PUS7: variants seen among roughly 807,000 people sequenced by gnomAD.
The protein encoded by PUS7 is pseudouridylate synthase 7 homolog.
PUS7 carries 48 observed loss-of-function variants against 79.8 expected under a neutral mutation model. The ratio of observed to expected loss-of-function variants is 0.60; its 90% CI spans 0.48 to 0.76. PUS7 has a LOEUF of 0.76. PUS7 is among the 30% of genes least tolerant of loss of function. The pLI, the probability that PUS7 is intolerant of heterozygous loss-of-function variation, is 0.00. For missense variants in PUS7, 729 were observed against 797.6 expected, an observed-to-expected ratio of 0.91 and a Z score of 1.04; for synonymous variants, 286 against 272.2, an observed-to-expected ratio of 1.05 and a Z score of -0.50.
At chr7:105,499,181 G>A (rs780716593) in intron 5 of PUS7, among the ~76,000 whole-genome samples, 1 of 152,324 alleles carries the variant, frequency 6.6e-6, no homozygotes, top group East Asian at 1.9e-4. Flanking sequence ...AGGTTTCAGA[G>A]TAATTATCTT....
intron 12 of PUS7, among the ~76,000 whole-genome samples, chr7:105,467,382 C>T (rs992193496): frequency 2.8e-4 from 42 of 150,864 alleles, no homozygotes; most frequent in South Asian, 8.4e-4. Flanking sequence ...CTCCGCCTCC[C>T]GGGTTCACGC....
At chr7:105,479,920 C>T (rs1824251123) in intron 9 of PUS7, among the ~76,000 whole-genome samples, 1 of 152,042 alleles carries the variant, frequency 6.6e-6, no homozygotes, top group South Asian at 2.1e-4. Flanking sequence ...ATCACTTGAA[C>T]CTGGGAGGTG....
intron 2 of PUS7, among the ~76,000 whole-genome samples, chr7:105,507,663 T>A (rs936123006): frequency 5.9e-5 from 9 of 152,044 alleles, no homozygotes; most frequent in African/African-American, 1.7e-4. Context: ...TGCCTCAGCC[T>A]CCCGAGTAGC....
At chr7:105,483,226 G>A (rs988878017) in intron 7 of PUS7, among the ~76,000 whole-genome samples, 1 of 150,828 alleles carries the variant, frequency 6.6e-6, no homozygotes, top group Non-Finnish European at 1.5e-5. Context: ...CTGGAGTGCA[G>A]TGGCATGATC....
chr7:105,472,288 T>C (rs1284053483), intron 9 of PUS7, 95 bp from the exon 10 acceptor site: 3 of 741,814 alleles, frequency 4.0e-6, no homozygotes, highest in East Asian at 5.8e-5. Context: ...ATATTAACTA[T>C]ACACCGAAGC....
At chr7:105,459,581 G>A (rs1329031929) in intron 14 of PUS7, among the ~76,000 whole-genome samples, 2 of 151,722 alleles carry the variant, frequency 1.3e-5, no homozygotes, top group African/African-American at 2.4e-5. Flanking sequence ...GGGACTATAG[G>A]TGTCTGCCAC....
chr7:105,457,981 G>A, intron 15 of PUS7, 55 bp from the exon 16 acceptor site: 1 of 1,579,714 alleles, frequency 6.3e-7, no homozygotes, highest in African/African-American at 1.4e-5. Flanking sequence ...AGACAGACCA[G>A]CGAGAGTCAC....
chr7:105,462,719 A>G lies in PUS7; in HGVS notation c.1659T>C (p.Ala553=), dbSNP rs1823482541. ...IQEAYREMLT[A]DNLDIDNMRH... is the part of the protein sequence containing the mutation. ...TCATGTTGTCAATATCAAGATTGTC[A>G]GCTGTGAGCATTTCCCTGTAGGCTT... is the stretch of plus-strand genomic sequence containing the variant. The change falls in exon 14 of 16, where the codon GCT becomes GCC. Residue 553 remains alanine (A), a synonymous_variant. Transcript: ENST00000469408. The G allele has an allele frequency of 1.2e-6, 2 of 1,613,552 alleles. No individual in the cohort carries two copies. The highest frequency in any genetic ancestry group is 1.7e-6 in the Non-Finnish European group (2 of 1,179,934).
chr7:105,459,228 G>C lies in PUS7; in HGVS notation c.1789C>G (p.Pro597Ala). 1 of 1,611,134 alleles carries C rather than the reference G, an allele frequency of 6.2e-7. No homozygotes were observed. The highest frequency in any genetic ancestry group is 8.5e-7 in the Non-Finnish European group (1 of 1,178,326). ...TTGTCCACATCTGTGTTGAAAAGTG[G>C]AATTTTGGGATCATCATATGCAACG... is the stretch of plus-strand genomic sequence containing the variant. Reference protein sequence around the residue: ...EVVAYDDPKIPLFNTDVDNLE... With the variant: ...EVVAYDDPKIALFNTDVDNLE... The change falls in exon 15 of 16, where the codon CCA becomes GCA. Residue 597 changes from proline (P) to alanine (A), a missense_variant. By Grantham distance (27) the Pro-to-Ala change is conservative. Coordinates refer to ENST00000469408, the MANE Select transcript of PUS7 (RefSeq NM_019042.5).
chr7:105,472,444 C>A (rs1418513522), intron 9 of PUS7, among the ~76,000 whole-genome samples: 1 of 152,080 alleles, frequency 6.6e-6, no homozygotes, highest in Non-Finnish European at 1.5e-5. Flanking sequence ...TGGGGTCTCA[C>A]TATTGGTCTT....
chr7:105,475,238 T>G (rs893534462), intron 9 of PUS7, among the ~76,000 whole-genome samples: 10 of 152,086 alleles, frequency 6.6e-5, no homozygotes, highest in Non-Finnish European at 1.2e-4. Flanking sequence ...CAGGCTAGAG[T>G]GCAGTGGCAC....
intron 1 of PUS7, among the ~76,000 whole-genome samples, chr7:105,509,868 G>T (rs1164845552): frequency 6.6e-6 from 1 of 152,178 alleles, no homozygotes; most frequent in African/African-American, 2.4e-5. Flanking sequence ...AAGAAACTGG[G>T]AAGGGTGGTT....
chr7:105,512,144 C>CAA (rs59884368), intron 1 of PUS7, among the ~76,000 whole-genome samples: 2 of 68,826 alleles, frequency 2.9e-5, no homozygotes, highest in Admixed American at 2.3e-4. Context: ...GATTCTGTCT[C>CAA]AAAAAAAAAA....
In PUS7 at chr7:105,457,798, G is replaced by GC; in HGVS notation, c.1977dup (p.Leu660AlafsTer11). ...TGTGGACAAGGTACTGCTCAGCGAA[G>GC]CCAGGTTGTATTCAGCTGCGTCTGG... On this transcript the variant is annotated frameshift_variant, in exon 16 of 16. Transcript: ENST00000469408. LOFTEE classifies it high-confidence loss of function. The GC allele has an allele frequency of 6.2e-7, 1 of 1,613,984 alleles. No homozygotes were observed. The highest frequency in any genetic ancestry group is 1.1e-5 in the South Asian group (1 of 91,052).
chr7:105,501,116 T>A (rs1381688704), intron 5 of PUS7, among the ~76,000 whole-genome samples: 1 of 152,200 alleles, frequency 6.6e-6, no homozygotes, highest in Non-Finnish European at 1.5e-5. Flanking sequence ...TTCCTCCTGT[T>A]CTCTTTTTTG....
At position 105,470,843 on chromosome 7, in the gene PUS7, T is replaced by C. The variant is rs1823845342; in HGVS notation, c.1243A>G (p.Lys415Glu). 1 of 1,586,152 alleles carries C rather than the reference T, an allele frequency of 6.3e-7. No homozygotes were observed. ...TCTCTGCATTTAACCAAGTAGCCCT[T>C]TTCAGCTGCGGGGGGAAAAAGCTAG... Reference protein sequence around the residue: ...LILKPRSGAEKGYLVKCREEW... With the variant: ...LILKPRSGAEEGYLVKCREEW... The change falls in exon 11 of 16, where the codon AAG becomes GAG. Residue 415 changes from lysine to glutamate, a missense_variant. Coordinates refer to ENST00000469408, the MANE Select transcript of PUS7 (RefSeq NM_019042.5).
Position 105,477,531 on chromosome 7 carries a change from G to C in PUS7, c.1175+3521C>G, listed in dbSNP as rs1367381368. ...GCCTCCCAAAGGGCTGGGATTACGG[G>C]CGTGAGCCACTGTGCCTGGCTCACT... is the stretch of plus-strand genomic sequence containing the variant. On this transcript the variant is annotated intron_variant, in intron 9 of 15. Coordinates refer to ENST00000469408, the MANE Select transcript of PUS7 (RefSeq NM_019042.5). 2.0e-5 allele frequency among the ~76,000 whole-genome samples: 3 copies of C among 152,224 alleles called. No homozygotes were observed. The East Asian group carries it at 5.8e-4, about 29-fold the overall frequency.
Position 105,491,631 on chromosome 7 carries a change from A to C in PUS7, c.843-14T>G, listed in dbSNP as rs1267034389. The C allele has an allele frequency of 6.8e-7, 1 of 1,468,782 alleles. No individual in the cohort carries two copies. The highest frequency in any genetic ancestry group is 9.5e-7 in the Non-Finnish European group (1 of 1,053,190). The allele number at this position is 1,468,782 out of a possible 1,614,324, so 91.0% of individuals were successfully genotyped here. A position where few individuals can be genotyped will look rare whatever the true frequency, so the allele number is the denominator to read the frequency against. On this transcript the variant is annotated splice_polypyrimidine_tract_variant and intron_variant, in intron 6 of 15. Coordinates refer to ENST00000469408, the MANE Select transcript of PUS7 (RefSeq NM_019042.5). Reference sequence around the variant, plus strand: ...TTTGGCTTGACTCTGGTAAGAGAGAAACAAGATCATCTGAAGTCACATACT... The same window carrying C: ...TTTGGCTTGACTCTGGTAAGAGAGACACAAGATCATCTGAAGTCACATACT...
At chr7:105,501,968 AAAT>A (rs61234849) in intron 5 of PUS7, among the ~76,000 whole-genome samples, 50,112 of 98,330 alleles carry the variant, frequency 0.51, 10,040 homozygotes, top group Middle Eastern at 0.58. Flanking sequence ...AAAAAAAAAA[AAAT>A]ATATATATAT....
Sources: gnomAD v4.1 joint callset for allele counts (sites outside exome capture counted in the v4.1 genomes callset) on GRCh38, gnomAD v4.1.1 for gene constraint, MANE v1.5 for transcripts, NCBI Gene and HGNC (gene_info 2026-07-23, HGNC 2026-07-21) for gene names.